SLC43A2: variants seen among roughly 807,000 people sequenced by gnomAD.
SLC43A2 encodes the protein solute carrier family 43 member 2.
SLC43A2 carries 38 observed loss-of-function variants against 63.2 expected under a neutral mutation model. The observed-to-expected ratio is 0.60, with a 90% CI of 0.46 to 0.79. SLC43A2 has a LOEUF of 0.79. SLC43A2 is among the 30% of genes least tolerant of loss of function. The pLI is 0.00. For synonymous variants in SLC43A2, 322 were observed against 331.0 expected, an observed-to-expected ratio of 0.97 and a Z score of 0.30; for missense variants, 644 against 756.2, an observed-to-expected ratio of 0.85 and a Z score of 1.74.
At chr17:1,598,420 CA>C (rs58628614) in intron 5 of SLC43A2, among the ~76,000 whole-genome samples, 21,020 of 121,682 alleles carry the variant, frequency 0.17, 4,430 homozygotes, top group African/African-American at 0.5. Context: ...GACTCTGTCT[CA>C]AAAAAAAAAA....
At chr17:1,602,756 CA>C (rs971621917) in intron 5 of SLC43A2, among the ~76,000 whole-genome samples, 1 of 148,690 alleles carries the variant, frequency 6.7e-6, no homozygotes, top group African/African-American at 2.5e-5. Context: ...TTTGTTTTTT[CA>C]GTTTTTTTTT....
In SLC43A2 at chr17:1,583,268, G is replaced by A. The variant is rs1420791483; in HGVS notation, c.1286C>T (p.Ala429Val). ...QKITNAMRAF[A>V]FTNLLLVGFG... ...GCCCACGAGCAGCAGGTTGGTGAAG[G>A]CGAAGGCCCGCATGGCATTAGTGAT... Residue 429 changes from alanine (A) to valine (V), a missense_variant, in exon 11 of 14, where the codon GCC becomes GTC. This residue lies in a region of SLC43A2 where 528 missense variants were observed against 623.6 expected (regional missense o/e 0.85). Coordinates refer to ENST00000301335, the MANE Select transcript of SLC43A2 (RefSeq NM_152346.3). This position sits in a 1 kb window ranked among gnomAD's most constrained non-coding sequence, Gnocchi z 5.5. 6.2e-7 allele frequency: 1 copy of A among 1,614,202 alleles called. No individual in the cohort carries two copies. Among genetic ancestry groups the A allele is most frequent in the South Asian group, 1.1e-5 (1 of 91,084 alleles).
chr17:1,615,729 G>A (rs1290467188), intron 3 of SLC43A2, among the ~76,000 whole-genome samples: 1 of 148,964 alleles, frequency 6.7e-6, no homozygotes, highest in Non-Finnish European at 1.5e-5. Context: ...TGTGGTCCCA[G>A]CTACTCGGGA....
At chr17:1,609,638 T>C (rs1305647909) in intron 5 of SLC43A2, among the ~76,000 whole-genome samples, 3 of 152,174 alleles carry the variant, frequency 2.0e-5, no homozygotes, top group Non-Finnish European at 2.9e-5. Flanking sequence ...CATTCATAAA[T>C]TGGAAAAATT....
chr17:1,576,645 C>T lies in SLC43A2; in HGVS notation c.1500G>A (p.Gln500=). The T allele has an allele frequency of 6.2e-7, 1 of 1,610,872 alleles. No homozygotes were observed. The highest frequency in any genetic ancestry group is 1.1e-5 in the South Asian group (1 of 91,076). ...GACCCATCATGGCCAGAAACAGCGG[C>T]TGCTGCAGAAGGGCGAAGAGCGCGC... ...LISALFALLQ[Q]PLFLAMMGPL... The change falls in exon 13 of 14, where the codon CAG becomes CAA. Residue 500 remains glutamine, a synonymous_variant. Coordinates refer to ENST00000301335, the MANE Select transcript of SLC43A2 (RefSeq NM_152346.3).
chr17:1,580,765 C>A (rs942320422), intron 11 of SLC43A2, among the ~76,000 whole-genome samples: 2 of 149,940 alleles, frequency 1.3e-5, no homozygotes, highest in South Asian at 4.2e-4. Flanking sequence ...GGTCTCACTC[C>A]GGTTGCCCAG....
chr17:1,621,252 G>C (rs112559514), intron 2 of SLC43A2, among the ~76,000 whole-genome samples: 1 of 152,262 alleles, frequency 6.6e-6, no homozygotes, highest in East Asian at 1.9e-4. Context: ...CCCACACCCC[G>C]GGGAGACAAA....
At chr17:1,625,054 G>A (rs889424148) in intron 2 of SLC43A2, among the ~76,000 whole-genome samples, 1 of 152,180 alleles carries the variant, frequency 6.6e-6, no homozygotes, top group Non-Finnish European at 1.5e-5. Context: ...GCTCCAGGAA[G>A]CCCCGTGCTT....
At position 1,578,525 on chromosome 17, in the gene SLC43A2, G is replaced by A. The variant is rs2075966868; in HGVS notation, c.1351-202C>T. The A allele has an allele frequency of 3.6e-6, 2 of 551,740 alleles. No individual in the cohort carries two copies. The highest frequency in any genetic ancestry group is 6.5e-6 in the Non-Finnish European group (2 of 309,108). The allele number at this position is 551,740 out of a possible 1,614,324, so 34.2% of individuals were successfully genotyped here. ...ACAGTCATTTTTTGTTTGTTTGTTT[G>A]TTTTGTTTTTTGTTTTGTTTGAGAA... On this transcript the variant is annotated intron_variant, in intron 11 of 13. Transcript: ENST00000301335. The surrounding 1 kb of genome is among the most constrained non-coding windows in gnomAD (Gnocchi z 6.5).
Position 1,615,722 on chromosome 17 carries a change from G to A in SLC43A2, c.369-688C>T, listed in dbSNP as rs373505575. Among the ~76,000 whole-genome samples, 93 of 147,726 alleles carry A rather than the reference G, an allele frequency of 6.3e-4. 1 individual carries two copies. The highest frequency in any genetic ancestry group is 6.3e-3 in the East Asian group (31 of 4,936). On this transcript the variant is annotated intron_variant, in intron 3 of 13. Transcript: ENST00000301335. The stretch of plus-strand genomic sequence containing the variant: ...GCCGGGCGTGGTGGCAGGCGCCTGT[G>A]GTCCCAGCTACTCGGGAGGCTGAGG...
rs1306710895 is a variant in SLC43A2, at chr17:1,612,966, C to T, written c.501+229G>A. On this transcript the variant is annotated intron_variant, in intron 5 of 13. Transcript: ENST00000301335. ...CAGCCTGGGCGACAGAGCAAGACTC[C>T]GTCTCAAAAAAAAAAAAAAAGGCAA... 6.6e-5 allele frequency among the ~76,000 whole-genome samples: 10 copies of T among 150,828 alleles called. No individual in the cohort carries two copies. In the East Asian group the frequency reaches 1.6e-3, roughly 23 times the overall value.
Position 1,577,258 on chromosome 17 carries a change from G to A in SLC43A2, c.1425-538C>T, listed in dbSNP as rs1037581689. 7.2e-5 allele frequency among the ~76,000 whole-genome samples: 11 copies of A among 152,322 alleles called. 1 individual carries two copies. The highest frequency in any genetic ancestry group is 4.6e-4 in the Admixed American group (7 of 15,296). On this transcript the variant is annotated intron_variant, in intron 12 of 13. Transcript: ENST00000301335. The surrounding 1 kb of genome is among the most constrained non-coding windows in gnomAD (Gnocchi z 4.9). ...CCCCACTCAGCTGTGCCCAGGGCCT[G>A]TGGGTGTCTGGCTGAGCCGAGTGGA...
intron 2 of SLC43A2, among the ~76,000 whole-genome samples, chr17:1,617,977 C>CTT (rs1907830864): frequency 6.6e-6 from 1 of 152,242 alleles, no homozygotes. Context: ...CAGGAGCCGA[C>CTT]TTTGATTAGA....
chr17:1,602,448 C>A (rs1906145905), intron 5 of SLC43A2, among the ~76,000 whole-genome samples: 1 of 152,044 alleles, frequency 6.6e-6, no homozygotes, highest in Admixed American at 6.6e-5. Flanking sequence ...GGGTTTGAGA[C>A]CAGCCTGGCC....
Position 1,605,887 on chromosome 17 carries a change from C to T in SLC43A2, c.501+7308G>A, listed in dbSNP as rs149212346. On this transcript the variant is annotated intron_variant, in intron 5 of 13. Coordinates refer to ENST00000301335, the MANE Select transcript of SLC43A2 (RefSeq NM_152346.3). This position sits in a 1 kb window ranked among gnomAD's most constrained non-coding sequence, Gnocchi z 4.9. ...AGGGGAAGGGTGTGCTCCCCTCCCC[C>T]GGCCACCTCCTGTGCCTTCCCGGCC... is the stretch of plus-strand genomic sequence containing the variant. 3.4e-3 allele frequency among the ~76,000 whole-genome samples: 525 copies of T among 152,264 alleles called. 2 individuals carry two copies. Among genetic ancestry groups the T allele is most frequent in the Middle Eastern group, 0.01 (3 of 294 alleles).
At position 1,578,402 on chromosome 17, in the gene SLC43A2, G is replaced by T; in HGVS notation, c.1351-79C>A. The stretch of plus-strand genomic sequence containing the variant: ...AGCCCCCGCCCTCCAATTCCTGGGG[G>T]CCCTCACCCCAGGGGCAGTGTCAGC... On this transcript the variant is annotated intron_variant, in intron 11 of 13. Coordinates refer to ENST00000301335, the MANE Select transcript of SLC43A2 (RefSeq NM_152346.3). This position sits in a 1 kb window ranked among gnomAD's most constrained non-coding sequence, Gnocchi z 6.5. The T allele has an allele frequency of 2.2e-6, 3 of 1,381,352 alleles. No individual in the cohort carries two copies. Among genetic ancestry groups the T allele is most frequent in the Admixed American group, 1.9e-5 (1 of 51,818 alleles). The allele number at this position is 1,381,352 out of a possible 1,614,324, so 85.6% of individuals were successfully genotyped here.
In SLC43A2 at chr17:1,616,715, ACCT is replaced by A; in HGVS notation, c.212_214del (p.Glu71del). 6.2e-7 allele frequency: 1 copy of A among 1,613,500 alleles called. No homozygotes were observed. Among genetic ancestry groups the A allele is most frequent in the East Asian group, 2.2e-5 (1 of 44,862 alleles). On this transcript the variant is annotated inframe_deletion, in exon 3 of 14. Coordinates refer to ENST00000301335, the MANE Select transcript of SLC43A2 (RefSeq NM_152346.3). ...GCTGAGCCAGCCGTTCATCCAGCTC[ACCT>A]CCTCGTGCCCCGGCTCTGCTGTGCC...
At chr17:1,594,091 C>T (rs1905057672) in intron 5 of SLC43A2, among the ~76,000 whole-genome samples, 1 of 152,186 alleles carries the variant, frequency 6.6e-6, no homozygotes, top group South Asian at 2.1e-4. Context: ...TCCCAAAGTG[C>T]TGGGACTACA....
chr17:1,585,251 T>G, intron 10 of SLC43A2: 1 of 995,394 alleles, frequency 1.0e-6, no homozygotes, highest in Non-Finnish European at 1.2e-6. Context: ...CTTTATTGTT[T>G]TTTCTTTTTG....
Sources: allele counts gnomAD v4.1 joint callset (sites outside exome capture counted in the v4.1 genomes callset), GRCh38; gene constraint gnomAD v4.1.1; regional missense constraint gnomAD v4.1.1; non-coding constraint Gnocchi (gnomAD v3.1); transcripts MANE v1.5; gene names NCBI Gene and HGNC (gene_info 2026-07-23, HGNC 2026-07-21).